The following ZNF385D variants were observed in gnomAD, a reference collection of about 807,000 sequenced individuals.
ZNF385D encodes the protein zinc finger protein 659.
In ZNF385D, 15 loss-of-function variants were observed where a neutral mutation model predicts 35.8. That is an observed-to-expected ratio of 0.42 (90% confidence interval 0.28 to 0.64). The LOEUF (loss-of-function observed/expected upper bound fraction) is 0.64, where lower values mean the gene tolerates loss of function less well. Ranked by LOEUF, ZNF385D falls within the 30% of genes least tolerant of loss-of-function variation. ZNF385D has a pLI of 0.23. For missense variants in ZNF385D, 474 were observed against 494.6 expected (o/e 0.96, Z 0.39); for synonymous variants, 212 against 186.8 (o/e 1.13, Z -1.10).
intron 3 of ZNF385D, among the ~76,000 whole-genome samples, chr3:21,918,122 A>G (rs1403721610): frequency 2.6e-5 from 4 of 152,244 alleles, no homozygotes; most frequent in Admixed American, 1.3e-4. Flanking sequence ...AGAATACACT[A>G]GGCACTAAAT....
intron 2 of ZNF385D, among the ~76,000 whole-genome samples, chr3:22,176,705 G>A: frequency 6.6e-6 from 1 of 152,088 alleles, no homozygotes; most frequent in East Asian, 1.9e-4. Flanking sequence ...AGAATTGTAA[G>A]CTTCAAATCA....
intron 3 of ZNF385D, among the ~76,000 whole-genome samples, chr3:21,525,337 C>T (rs1434339013): frequency 1.3e-5 from 2 of 150,436 alleles, no homozygotes; most frequent in Middle Eastern, 3.2e-3. Flanking sequence ...TTTTTTTTTT[C>T]CAATGGCATT....
intron 2 of ZNF385D, among the ~76,000 whole-genome samples, chr3:22,237,402 G>C (rs1310900287): frequency 2.0e-5 from 3 of 151,926 alleles, no homozygotes; most frequent in Non-Finnish European, 4.4e-5. Context: ...TTATATTCTA[G>C]ATACTAGACT....
chr3:21,782,426 C>T (rs937631884), intron 3 of ZNF385D, among the ~76,000 whole-genome samples: 1 of 152,034 alleles, frequency 6.6e-6, no homozygotes, highest in Non-Finnish European at 1.5e-5. Flanking sequence ...TTAGGATGTT[C>T]GTTTAAGGTC....
intron 3 of ZNF385D, among the ~76,000 whole-genome samples, chr3:22,000,285 A>G (rs1000554759): frequency 2.2e-5 from 3 of 135,694 alleles, no homozygotes; most frequent in African/African-American, 9.5e-5. Context: ...AGCCTGGGTG[A>G]CAGAGCGAGA....
At chr3:21,994,506 C>A (rs1214709963) in intron 3 of ZNF385D, among the ~76,000 whole-genome samples, 1 of 148,296 alleles carries the variant, frequency 6.7e-6, no homozygotes, top group Non-Finnish European at 1.5e-5. Flanking sequence ...TTATGATCAC[C>A]ATTTTATATT....
At chr3:22,066,541 T>C (rs1406865323) in intron 3 of ZNF385D, among the ~76,000 whole-genome samples, 1 of 21,868 alleles carries the variant, frequency 4.6e-5, no homozygotes, top group East Asian at 9.6e-4. Flanking sequence ...CCTGTGTGTG[T>C]GTGTGTGTGT....
At chr3:21,688,127 G>A (rs2067167782) in intron 1 of ZNF385D, among the ~76,000 whole-genome samples, 1 of 151,728 alleles carries the variant, frequency 6.6e-6, no homozygotes, top group African/African-American at 2.4e-5. Context: ...TATTATTTTT[G>A]GTGCCTCTAC....
intron 2 of ZNF385D, among the ~76,000 whole-genome samples, chr3:21,643,742 A>G (rs771994555): frequency 6.6e-6 from 1 of 152,120 alleles, no homozygotes; most frequent in Non-Finnish European, 1.5e-5. Flanking sequence ...GAAATGGCTG[A>G]AAGTGAGGTG....
At chr3:21,736,957 T>C (rs1392768451) in intron 1 of ZNF385D, among the ~76,000 whole-genome samples, 1 of 152,242 alleles carries the variant, frequency 6.6e-6, no homozygotes, top group African/African-American at 2.4e-5. Context: ...TTTCTTTTTT[T>C]GAGGCGGAGT....
chr3:21,603,090 T>A (rs1418768350), intron 2 of ZNF385D, among the ~76,000 whole-genome samples: 1 of 152,200 alleles, frequency 6.6e-6, no homozygotes, highest in African/African-American at 2.4e-5. Flanking sequence ...TCATCAAGTT[T>A]ATTTACCAAA....
At chr3:21,696,973 C>G (rs1575480327) in intron 1 of ZNF385D, among the ~76,000 whole-genome samples, 1 of 152,180 alleles carries the variant, frequency 6.6e-6, no homozygotes, top group Non-Finnish European at 1.5e-5. Context: ...TACAAGAATA[C>G]TTTTAAAAGT....
intron 3 of ZNF385D, among the ~76,000 whole-genome samples, chr3:21,877,174 C>T (rs971668237): frequency 6.6e-6 from 1 of 152,010 alleles, no homozygotes; most frequent in African/African-American, 2.4e-5. Context: ...ACTCGATAAA[C>T]AAGGTCATTT....
chr3:21,610,586 C>A (rs1324291215), intron 2 of ZNF385D, among the ~76,000 whole-genome samples: 1 of 151,764 alleles, frequency 6.6e-6, no homozygotes, highest in Non-Finnish European at 1.5e-5. Flanking sequence ...CTGGCTGACA[C>A]GGTGAAACCC....
intron 3 of ZNF385D, chr3:21,542,807 G>A (rs1218812994): frequency 6.6e-6 from 1 of 152,196 alleles, no homozygotes; most frequent in Non-Finnish European, 1.5e-5. Context: ...TGACCTTGCG[G>A]AGGAAACTTG....
chr3:22,369,603 C>T (rs891786544), intron 2 of ZNF385D, among the ~76,000 whole-genome samples: 1 of 152,054 alleles, frequency 6.6e-6, no homozygotes, highest in African/African-American at 2.4e-5. Context: ...TTCTATTTTC[C>T]AAAGCTGCTC....
At chr3:22,117,853 C>T (rs1161876158) in intron 3 of ZNF385D, among the ~76,000 whole-genome samples, 2 of 151,894 alleles carry the variant, frequency 1.3e-5, no homozygotes, top group Non-Finnish European at 1.5e-5. Context: ...CTAATATAAT[C>T]GTAACAATCA....
chr3:22,172,047 C>T (rs144266694), intron 2 of ZNF385D, among the ~76,000 whole-genome samples: 2 of 152,184 alleles, frequency 1.3e-5, no homozygotes, highest in African/African-American at 2.4e-5. Context: ...TTGAGTTCCA[C>T]TGAGAAAAAG....
chr3:21,744,112 T>A (rs1406918042), intron 1 of ZNF385D, among the ~76,000 whole-genome samples: 1 of 152,162 alleles, frequency 6.6e-6, no homozygotes, highest in Non-Finnish European at 1.5e-5. Context: ...ACCTTAACAG[T>A]CACTAGCTTT....
Sources: gnomAD v4.1 joint callset for allele counts (sites outside exome capture counted in the v4.1 genomes callset) on GRCh38, gnomAD v4.1.1 for gene constraint, MANE v1.5 for transcripts, NCBI Gene and HGNC (gene_info 2026-07-23, HGNC 2026-07-21) for gene names.